The following HIPK1 variants were observed in gnomAD, a reference collection of about 807,000 sequenced individuals.
HIPK1 encodes homeodomain-interacting protein kinase 1.
Under a neutral mutation model 117.1 loss-of-function variants are expected in HIPK1, and 28 were observed. That is an observed-to-expected ratio of 0.24 (90% CI 0.18 to 0.33). The LOEUF (loss-of-function observed/expected upper bound fraction) is 0.33, where lower values mean the gene tolerates loss of function less well. Ranked by LOEUF, HIPK1 falls within the 10% of genes least tolerant of loss-of-function variation. The pLI is 1.00. For missense variants in HIPK1, 1,122 were observed against 1,475.1 expected (o/e 0.76, Z 3.92); for synonymous variants, 605 against 562.5 (o/e 1.08, Z -1.07).
At chr1:113,969,166 T>G (rs1201347942) in intron 13 of HIPK1, among the ~76,000 whole-genome samples, 2 of 152,312 alleles carry the variant, frequency 1.3e-5, no homozygotes, top group Non-Finnish European at 2.9e-5. Context: ...TGAAAGTAAC[T>G]TAGGAGACTT....
At chr1:113,968,411 A>T (rs745909122) in intron 12 of HIPK1, 31 bp from the exon 13 acceptor site, 1 of 1,515,060 alleles carries the variant, frequency 6.6e-7, no homozygotes, top group Non-Finnish European at 9.2e-7. Context: ...CCAAGGACTG[A>T]ATCATCTTTC....
chr1:113,957,510 A>G lies in HIPK1; in HGVS notation c.1755+224A>G, dbSNP rs918557577. ...GCCTAATCCATGCCCTCATATGTTC[A>G]GCATCGTCAAATAAATGGGGTCTGA... On this transcript the variant is annotated intron_variant, in intron 7 of 15. Coordinates refer to ENST00000426820, the MANE Select transcript of HIPK1 (RefSeq NM_198268.3). Among the ~76,000 whole-genome samples the G allele has an allele frequency of 3.3e-5, 5 of 152,246 alleles. No homozygotes were observed. In the East Asian group the frequency reaches 5.8e-4, roughly 18 times the overall value.
rs1669687204 is a variant in HIPK1 at position 113,929,533 on chromosome 1, G to A, written c.-3+1G>A. The A allele has an allele frequency of 1.6e-6, 2 of 1,287,714 alleles. No homozygotes were observed. Among genetic ancestry groups the A allele is most frequent in the Non-Finnish European group, 2.0e-6 (2 of 987,602 alleles). 79.8% of individuals were successfully genotyped at this position (1,287,714 alleles called of 1,614,324 possible). ...TCCATTCAGCTGCACTTCCGCCTCAGTAGGTGTCATGGCGCGGGGCGGGTG... is the reference window on the plus strand; with the variant it reads ...TCCATTCAGCTGCACTTCCGCCTCAATAGGTGTCATGGCGCGGGGCGGGTG... On this transcript the variant is annotated splice_donor_variant, in intron 1 of 15. Transcript: ENST00000426820. LOFTEE classifies it low-confidence loss of function (5UTR_SPLICE).
chr1:113,977,463 C>T lies in HIPK1; in HGVS notation c.*3951C>T, dbSNP rs560405000. ...TATTTGATATGCTAGTTATTGTGTG[C>T]GATTTAAACTTTTTTTGCTTTCTCC... On this transcript the variant is annotated 3_prime_UTR_variant, in exon 16 of 16. Coordinates refer to ENST00000426820, the MANE Select transcript of HIPK1 (RefSeq NM_198268.3). The T allele has an allele frequency of 3.3e-5, 5 of 152,726 alleles. No individual in the cohort carries two copies. Among genetic ancestry groups the T allele is most frequent in the South Asian group, 2.1e-4 (1 of 4,814 alleles). 9.5% of individuals were successfully genotyped at this position (152,726 alleles called of 1,614,324 possible).
chr1:113,962,546 C>A, intron 9 of HIPK1, 108 bp downstream of exon 9: 2 of 1,126,324 alleles, frequency 1.8e-6, no homozygotes, highest in South Asian at 1.6e-5. Flanking sequence ...CTTTCTTGGT[C>A]ATGATTCAGT....
At chr1:113,954,795 G>T (rs374886013) in intron 4 of HIPK1, 25 bp downstream of exon 4, 2 of 1,603,730 alleles carry the variant, frequency 1.2e-6, no homozygotes, top group South Asian at 2.2e-5. Context: ...CTATGCTTCC[G>T]ACTCCTGTAC....
chr1:113,932,417 G>C (rs956281768), intron 1 of HIPK1, among the ~76,000 whole-genome samples: 1 of 142,126 alleles, frequency 7.0e-6, no homozygotes, highest in South Asian at 2.2e-4. Context: ...TCGCCCTGTC[G>C]CCCAGGTCGG....
rs1673137675 is a variant in HIPK1, at chr1:113,976,424, G to A, written c.*2912G>A. On this transcript the variant is annotated 3_prime_UTR_variant, in exon 16 of 16. Coordinates refer to ENST00000426820, the MANE Select transcript of HIPK1 (RefSeq NM_198268.3). ...CTTTTTTCTGTAAGGGACAAGATTT[G>A]TTGTTTTTGTAAGAAATGAGATGCA... The A allele has an allele frequency of 6.6e-6, 1 of 152,486 alleles. No individual in the cohort carries two copies. Among genetic ancestry groups the A allele is most frequent in the Admixed American group, 6.5e-5 (1 of 15,282 alleles). The allele number at this position is 152,486 out of a possible 1,614,324, so 9.4% of individuals were successfully genotyped here.
At chr1:113,938,504 T>C (rs1291768109) in intron 1 of HIPK1, among the ~76,000 whole-genome samples, 1 of 152,116 alleles carries the variant, frequency 6.6e-6, no homozygotes, top group Non-Finnish European at 1.5e-5. Flanking sequence ...TGATTTGCAT[T>C]GTTTAAAAGC....
At chr1:113,962,727 GTTGT>G (rs1672209610) in intron 9 of HIPK1, among the ~76,000 whole-genome samples, 1 of 151,706 alleles carries the variant, frequency 6.6e-6, no homozygotes, top group African/African-American at 2.4e-5. Context: ...TTTTTTTGTT[GTTGT>G]TTGTTTTTTA....
chr1:113,969,232 G>T (rs1347872539), intron 13 of HIPK1, among the ~76,000 whole-genome samples: 1 of 152,132 alleles, frequency 6.6e-6, no homozygotes, highest in Non-Finnish European at 1.5e-5. Flanking sequence ...AATTTAGAAT[G>T]AATTTAGAGC....
chr1:113,973,702 G>T lies in HIPK1; in HGVS notation c.*190G>T. The T allele has an allele frequency of 3.8e-6, 2 of 528,928 alleles. No individual in the cohort carries two copies. The highest frequency in any genetic ancestry group is 6.2e-6 in the Non-Finnish European group (2 of 324,240). The allele number at this position is 528,928 out of a possible 1,614,324, so 32.8% of individuals were successfully genotyped here. ...TCTCAGTGTTGACTGCATTGTTGTA[G>T]TCTTCCCAAAGTTTGCCCTATTTTT... On this transcript the variant is annotated 3_prime_UTR_variant, in exon 16 of 16. Transcript: ENST00000426820.
intron 9 of HIPK1, 25 bp from the exon 10 acceptor site, chr1:113,963,362 C>T (rs1257865355): frequency 1.9e-6 from 3 of 1,610,230 alleles, no homozygotes; most frequent in Non-Finnish European, 2.5e-6. Context: ...GTTTGTTTCA[C>T]TCACCTGCCT....
chr1:113,940,526 C>T lies in HIPK1; in HGVS notation c.143C>T (p.Thr48Ile), dbSNP rs1268003549. The T allele has an allele frequency of 1.2e-6, 2 of 1,614,028 alleles. No homozygotes were observed. Among genetic ancestry groups the T allele is most frequent in the African/African-American group, 2.7e-5 (2 of 74,910 alleles). ...SNDKYYTHSK[T>I]LPATQGQANS... is the part of the protein sequence containing the mutation. Reference sequence around the variant, plus strand: ...GACAAATATTATACCCACAGCAAAACCCTCCCAGCCACACAAGGGCAAGCC... The same window carrying T: ...GACAAATATTATACCCACAGCAAAATCCTCCCAGCCACACAAGGGCAAGCC... The change falls in exon 2 of 16, where the codon ACC (threonine) becomes ATC (isoleucine). Residue 48 changes from threonine to isoleucine, a missense_variant. Transcript: ENST00000426820.
intron 1 of HIPK1, chr1:113,929,777 C>A: frequency 2.1e-6 from 2 of 938,612 alleles, no homozygotes; most frequent in Admixed American, 6.2e-5. Flanking sequence ...GGAGGCTCCC[C>A]CTGCGGGACG....
chr1:113,940,875 A>G lies in HIPK1; in HGVS notation c.492A>G (p.Thr164=). ...GAAATTTTVT[T]KSSSSSGEGD... is the part of the protein sequence containing the mutation. Reference sequence around the variant, plus strand: ...CTGCCACAACCACCACTGTGACCACAAAGAGTAGCAGTTCCAGCGGAGAAG... The same window carrying G: ...CTGCCACAACCACCACTGTGACCACGAAGAGTAGCAGTTCCAGCGGAGAAG... Residue 164 remains threonine, a synonymous_variant, in exon 2 of 16, where the codon ACA becomes ACG. Coordinates refer to ENST00000426820, the MANE Select transcript of HIPK1 (RefSeq NM_198268.3). 1 of 1,614,124 alleles carries G rather than the reference A, an allele frequency of 6.2e-7. No individual in the cohort carries two copies. The highest frequency in any genetic ancestry group is 2.2e-5 in the East Asian group (1 of 44,888).
At chr1:113,956,993 T>G in intron 6 of HIPK1, 131 bp from the exon 7 acceptor site, 2 of 909,412 alleles carry the variant, frequency 2.2e-6, no homozygotes, top group Non-Finnish European at 3.4e-6. Context: ...TCCCTATGAT[T>G]ATACAAATTC....
At chr1:113,966,868 C>A (rs1410771215) in intron 11 of HIPK1, among the ~76,000 whole-genome samples, 1 of 148,116 alleles carries the variant, frequency 6.8e-6, no homozygotes, top group African/African-American at 2.5e-5. Context: ...CATTAACCAT[C>A]CCTACCTCCC....
At chr1:113,934,313 C>A (rs1670108981) in intron 1 of HIPK1, among the ~76,000 whole-genome samples, 1 of 152,124 alleles carries the variant, frequency 6.6e-6, no homozygotes, top group African/African-American at 2.4e-5. Context: ...CCAACTGTTC[C>A]ATTCAGGGTT....
Sources: allele counts gnomAD v4.1 joint callset (sites outside exome capture counted in the v4.1 genomes callset), GRCh38; gene constraint gnomAD v4.1.1; transcripts MANE v1.5; gene names NCBI Gene and HGNC (gene_info 2026-07-23, HGNC 2026-07-21).